The following PCDHGB2 variants were observed in gnomAD, a reference collection of about 807,000 sequenced individuals.
The protein encoded by PCDHGB2 is protocadherin gamma subfamily B, 2.
A neutral mutation model predicts 59.3 loss-of-function variants in PCDHGB2; 55 were observed. That is an observed-to-expected ratio of 0.93 (90% CI 0.75 to 1.16). The LOEUF (loss-of-function observed/expected upper bound fraction) is 1.16. Ranked by LOEUF, PCDHGB2 falls within the 50% of genes most tolerant of loss-of-function variation. The pLI, the probability that PCDHGB2 is intolerant of heterozygous loss-of-function variation, is 0.00. For synonymous variants in PCDHGB2, 516 were observed against 512.0 expected (o/e 1.01, Z -0.11); for missense variants, 1,228 against 1,198.5 (o/e 1.02, Z -0.36).
At chr5:141,442,005 C>G (rs1037210381) in intron 1 of PCDHGB2, 1 of 229,014 alleles carries the variant, frequency 4.4e-6, no homozygotes. Flanking sequence ...GCTGACAGCT[C>G]GCACGATGGG....
chr5:141,431,610 T>A lies in PCDHGB2; in HGVS notation c.2422-63197T>A. The stretch of plus-strand genomic sequence containing the variant: ...GAAGTGAGGTATTCCTTCCGGTATG[T>A]GGACGACAAGGCGGCCCAAGTTTTC... On this transcript the variant is annotated intron_variant, in intron 1 of 3. Transcript: ENST00000522605. The surrounding 1 kb of genome is among the most constrained non-coding windows in gnomAD (Gnocchi z 4.8). 6.2e-7 allele frequency: 1 copy of A among 1,614,238 alleles called. No homozygotes were observed. Among genetic ancestry groups the A allele is most frequent in the Non-Finnish European group, 8.5e-7 (1 of 1,180,034 alleles).
At chr5:141,413,716 C>T in intron 1 of PCDHGB2, 2 of 1,613,608 alleles carry the variant, frequency 1.2e-6, no homozygotes, top group Non-Finnish European at 1.7e-6. Flanking sequence ...CCCCAATAAG[C>T]ACTTCTCCCT....
rs368564960 is a variant in PCDHGB2 at position 141,408,437 on chromosome 5, G to T, written c.2421+45881G>T. Reference sequence around the variant, plus strand: ...GGAGAAGCTGCACTTCAGCGTAGACGCGGAGAGCGGGGACTTACTTGTGAA... The same window carrying T: ...GGAGAAGCTGCACTTCAGCGTAGACTCGGAGAGCGGGGACTTACTTGTGAA... On this transcript the variant is annotated intron_variant, in intron 1 of 3. Transcript: ENST00000522605. The T allele has an allele frequency of 1.3e-5, 21 of 1,613,950 alleles. No homozygotes were observed. Among genetic ancestry groups the T allele is most frequent in the Non-Finnish European group, 1.6e-5 (19 of 1,179,918 alleles).
intron 1 of PCDHGB2, among the ~76,000 whole-genome samples, chr5:141,459,838 A>G (rs944807247): frequency 6.6e-6 from 1 of 152,098 alleles, no homozygotes; most frequent in Non-Finnish European, 1.5e-5. Flanking sequence ...TGTGTTGTCT[A>G]TTTGTATATC....
In PCDHGB2 at chr5:141,491,893, G is replaced by A; in HGVS notation, c.2422-2914G>A. The stretch of plus-strand genomic sequence containing the variant: ...GGCCGATTAAGGGATGGGGCTCCGA[G>A]CACCGGGGGTGGTGGCGACTGTGGG... On this transcript the variant is annotated intron_variant, in intron 1 of 3. Transcript: ENST00000522605. This position sits in a 1 kb window ranked among gnomAD's most constrained non-coding sequence, Gnocchi z 6.9. 9 of 1,438,856 alleles carry A rather than the reference G, an allele frequency of 6.3e-6. No individual in the cohort carries two copies. Among genetic ancestry groups the A allele is most frequent in the Non-Finnish European group, 8.3e-6 (9 of 1,088,104 alleles). 89.1% of individuals were successfully genotyped at this position (1,438,856 alleles called of 1,614,324 possible). A position where few individuals can be genotyped will look rare whatever the true frequency, so the allele number is the denominator to read the frequency against.
chr5:141,405,587 G>T, intron 1 of PCDHGB2: 1 of 585,648 alleles, frequency 1.7e-6, no homozygotes, highest in Non-Finnish European at 3.0e-6. Flanking sequence ...TGGGACTACA[G>T]GCCTCCCAAG....
At chr5:141,398,425 C>G (rs2093656331) in intron 1 of PCDHGB2, 2 of 1,519,432 alleles carry the variant, frequency 1.3e-6, no homozygotes, top group East Asian at 2.3e-5. Flanking sequence ...CGGGAAGAAG[C>G]CAGCTTGTGC....
chr5:141,474,056 C>T (rs576482294), intron 1 of PCDHGB2, among the ~76,000 whole-genome samples: 37 of 152,136 alleles, frequency 2.4e-4, no homozygotes, highest in Non-Finnish European at 4.9e-4. Flanking sequence ...GATGACAGAG[C>T]GAGATCCTGC....
intron 1 of PCDHGB2, among the ~76,000 whole-genome samples, chr5:141,469,852 C>T (rs529924249): frequency 1.3e-4 from 20 of 152,054 alleles, no homozygotes; most frequent in African/African-American, 4.8e-4. Flanking sequence ...AGATTCAGAC[C>T]GGGTGCAATG....
intron 1 of PCDHGB2, chr5:141,377,279 A>T (rs1256145515): frequency 1.3e-5 from 2 of 152,110 alleles, no homozygotes; most frequent in Admixed American, 1.3e-4. Flanking sequence ...TGGGAAAAAA[A>T]ATAACCTTAA....
At chr5:141,423,880 G>A in intron 1 of PCDHGB2, 1 of 1,282,292 alleles carries the variant, frequency 7.8e-7, no homozygotes, top group Middle Eastern at 2.9e-4. Context: ...TTTCAATCTT[G>A]GCATATTTTC....
At chr5:141,409,388 T>C in intron 1 of PCDHGB2, 1 of 1,614,018 alleles carries the variant, frequency 6.2e-7, no homozygotes, top group Non-Finnish European at 8.5e-7. Flanking sequence ...CAAGATTTAT[T>C]CTTCTTCCAA....
intron 1 of PCDHGB2, among the ~76,000 whole-genome samples, chr5:141,435,696 A>G (rs932132128): frequency 1.3e-5 from 2 of 152,204 alleles, no homozygotes; most frequent in East Asian, 1.9e-4. Context: ...TGCTTATTGT[A>G]GAGTGGTTAC....
rs967436443 is a variant in PCDHGB2 at position 141,400,001 on chromosome 5, C to G, written c.2421+37445C>G. On this transcript the variant is annotated intron_variant, in intron 1 of 3. Transcript: ENST00000522605. ...CTGCGCACAGGAGAGGTGCGCACAG[C>G]GCGTGCCTTGGGCGACAGGGACGCG... 5.0e-6 allele frequency: 8 copies of G among 1,612,262 alleles called. No individual in the cohort carries two copies. In the Admixed American group the frequency reaches 5.0e-5, roughly 10 times the overall value.
intron 1 of PCDHGB2, among the ~76,000 whole-genome samples, chr5:141,481,031 C>G (rs926205148): frequency 1.3e-5 from 2 of 152,108 alleles, no homozygotes; most frequent in Non-Finnish European, 2.9e-5. Flanking sequence ...GCACTCCAGC[C>G]TGGGCGACAG....
At chr5:141,501,127 T>C (rs2099805755) in intron 2 of PCDHGB2, among the ~76,000 whole-genome samples, 5 of 152,024 alleles carry the variant, frequency 3.3e-5, no homozygotes, top group Non-Finnish European at 7.4e-5. Context: ...TCAGCCTCCC[T>C]AAGTGCTGGG....
intron 1 of PCDHGB2, among the ~76,000 whole-genome samples, chr5:141,466,358 A>G (rs1210013683): frequency 6.6e-6 from 1 of 152,066 alleles, no homozygotes; most frequent in Admixed American, 6.5e-5. Flanking sequence ...GCTAATCTAG[A>G]TGTAATGGTT....
At chr5:141,459,714 T>C (rs1240430980) in intron 1 of PCDHGB2, among the ~76,000 whole-genome samples, 4 of 152,244 alleles carry the variant, frequency 2.6e-5, no homozygotes, top group Admixed American at 6.5e-5. Flanking sequence ...TTCTCACCAA[T>C]GCTTCCTATT....
intron 3 of PCDHGB2, among the ~76,000 whole-genome samples, chr5:141,507,893 G>C (rs750472786): frequency 2.2e-4 from 33 of 152,356 alleles, no homozygotes; most frequent in Non-Finnish European, 4.1e-4. Context: ...AGAGGTTCCT[G>C]AAGTCCAGCC....
Sources: gnomAD v4.1 joint callset for allele counts (sites outside exome capture counted in the v4.1 genomes callset) on GRCh38, gnomAD v4.1.1 for gene constraint, Gnocchi (gnomAD v3.1) non-coding constraint, MANE v1.5 for transcripts, NCBI Gene and HGNC (gene_info 2026-07-23, HGNC 2026-07-21) for gene names.